SLC15A3: variants seen among roughly 807,000 people sequenced by gnomAD.
SLC15A3 encodes solute carrier family 15 member 3.
In SLC15A3, 39 loss-of-function variants were observed where a neutral mutation model predicts 49.2. The ratio of observed to expected loss-of-function variants is 0.79; its 90% CI spans 0.61 to 1.04. The LOEUF (loss-of-function observed/expected upper bound fraction) is 1.04. SLC15A3 is among the 50% of genes least tolerant of loss of function. SLC15A3 has a pLI of 0.00. For missense variants in SLC15A3, 758 were observed against 794.8 expected (o/e 0.95, Z 0.56); for synonymous variants, 339 against 367.0 (o/e 0.92, Z 0.87).
chr11:60,951,441 G>C lies in SLC15A3; in HGVS notation c.111C>G (p.Ala37=). 1.4e-6 allele frequency: 2 copies of C among 1,446,316 alleles called. No homozygotes were observed. The highest frequency in any genetic ancestry group is 9.1e-7 in the Non-Finnish European group (1 of 1,096,064). 89.6% of individuals were successfully genotyped at this position (1,446,316 alleles called of 1,614,324 possible). ...PRRWRRAAGA[A]VLLVEMLERA... Reference sequence around the variant, plus strand: ...GCTCCAGCATCTCCACCAGCAGCACGGCCGCGCCCGCCGCCCGCCGCCACC... The same window carrying C: ...GCTCCAGCATCTCCACCAGCAGCACCGCCGCGCCCGCCGCCCGCCGCCACC... Residue 37 remains alanine (A), a synonymous_variant, in exon 1 of 8, where the codon GCC becomes GCG. Coordinates refer to ENST00000227880, the MANE Select transcript of SLC15A3 (RefSeq NM_016582.3).
rs1189303155 is a variant in SLC15A3, at chr11:60,951,629, G to C, written c.-78C>G. 25 of 910,738 alleles carry C rather than the reference G, an allele frequency of 2.7e-5. No individual in the cohort carries two copies. The highest frequency in any genetic ancestry group is 3.0e-5 in the Non-Finnish European group (24 of 798,766). The allele number at this position is 910,738 out of a possible 1,614,324, so 56.4% of individuals were successfully genotyped here. The stretch of plus-strand genomic sequence containing the variant: ...CTCAGAGCCCTGCACTCCTGCCCCC[G>C]GGCCTCGGCCCTCTCCCCCACCCAA... On this transcript the variant is annotated 5_prime_UTR_variant, in exon 1 of 8. Transcript: ENST00000227880.
At chr11:60,946,386 G>T in intron 2 of SLC15A3, 146 bp downstream of exon 2, 1 of 904,886 alleles carries the variant, frequency 1.1e-6, no homozygotes, top group Non-Finnish European at 1.6e-6. Context: ...ACAGCGGGCA[G>T]CTCTGGCCCA....
Position 60,950,999 on chromosome 11 carries a change from C to A in SLC15A3, c.553G>T (p.Asp185Tyr). The change falls in exon 1 of 8, where the codon GAC (aspartate) becomes TAC (tyrosine). Residue 185 changes from aspartate to tyrosine, a missense_variant. By Grantham distance (160) the Asp-to-Tyr change is radical. Transcript: ENST00000227880. ...GCAGGCCTCCTGCCACTCACCTGGT[C>A]GGCACCGAAGGAGGTGAGGTTGCTC... is the stretch of plus-strand genomic sequence containing the variant. ...VRSNLTSFGA[D>Y]QVMDLGRDAT... 2 of 1,474,012 alleles carry A rather than the reference C, an allele frequency of 1.4e-6. No homozygotes were observed. The highest frequency in any genetic ancestry group is 2.6e-5 in the South Asian group (2 of 75,612). The allele number at this position is 1,474,012 out of a possible 1,614,324, so 91.3% of individuals were successfully genotyped here. A position where few individuals can be genotyped will look rare whatever the true frequency, so the allele number is the denominator to read the frequency against.
At position 60,937,119 on chromosome 11, in the gene SLC15A3, AC is replaced by A. The variant is rs1856626555; in HGVS notation, c.*99del. 1 of 1,498,870 alleles carries A rather than the reference AC, an allele frequency of 6.7e-7. No homozygotes were observed. The highest frequency in any genetic ancestry group is 8.9e-7 in the Non-Finnish European group (1 of 1,119,800). 92.8% of individuals were successfully genotyped at this position (1,498,870 alleles called of 1,614,324 possible). A position where few individuals can be genotyped will look rare whatever the true frequency, so the allele number is the denominator to read the frequency against. On this transcript the variant is annotated 3_prime_UTR_variant, in exon 8 of 8. Transcript: ENST00000227880. The stretch of plus-strand genomic sequence containing the variant: ...GGGCTCATGCCCCTTATTTATGGGA[AC>A]CATTTCATTCTAACAGAATAAACCG...
chr11:60,939,546 A>C lies in SLC15A3; in HGVS notation c.1369T>G (p.Ser457Ala). 1 of 1,614,170 alleles carries C rather than the reference A, an allele frequency of 6.2e-7. No homozygotes were observed. The highest frequency in any genetic ancestry group is 8.5e-7 in the Non-Finnish European group (1 of 1,180,004). ...GEVLYNAAPL[S>A]IWWQIPQYLL... ...TACTGAGGGATCTGCCACCAGATGG[A>C]CAGTGGTGCCGCGTTGTACAGGACC... Residue 457 changes from serine to alanine, a missense_variant, in exon 6 of 8, where the codon TCC (serine) becomes GCC (alanine). Ser to Ala is a moderately conservative substitution (Grantham distance 99). Transcript: ENST00000227880.
intron 7 of SLC15A3, 116 bp from the exon 8 acceptor site, chr11:60,937,489 A>G (rs774870629): frequency 1.1e-4 from 151 of 1,341,208 alleles, no homozygotes; most frequent in Admixed American, 1.6e-4. Flanking sequence ...CAGTGGTGGG[A>G]TCTGAAGACA....
At position 60,942,017 on chromosome 11, in the gene SLC15A3, A is replaced by G; in HGVS notation, c.1107+18T>C. On this transcript the variant is annotated intron_variant, in intron 4 of 7. Transcript: ENST00000227880. ...TACCTGGCTGAACTGGGTGCCGAAC[A>G]CATGCTTTATCTCTCACCGTGTAGC... The G allele has an allele frequency of 6.2e-7, 1 of 1,610,634 alleles. No individual in the cohort carries two copies. The highest frequency in any genetic ancestry group is 2.2e-5 in the East Asian group (1 of 44,860).
At chr11:60,941,044 C>T (rs1287274097) in intron 5 of SLC15A3, 78 bp downstream of exon 5, 1 of 1,494,072 alleles carries the variant, frequency 6.7e-7, no homozygotes, top group Non-Finnish European at 9.0e-7. Flanking sequence ...CAGGCTACCA[C>T]TTCAGCATCA....
rs142952480 is a variant in SLC15A3, at chr11:60,946,790, C to T, written c.590G>A (p.Arg197His). The change falls in exon 2 of 8, where the codon CGC (arginine) becomes CAC (histidine). Residue 197 changes from arginine (R) to histidine (H), a missense_variant. Transcript: ENST00000227880. ...GCTCCAGTAAAACCAGTTGAAGAAG[C>T]GGCGGGTGGCGTCGCGGCCGAGATC... ...VMDLGRDATR[R>H]FFNWFYWSIN... 6.7e-5 allele frequency: 108 copies of T among 1,612,782 alleles called. No homozygotes were observed. The African/African-American group carries it at 1.2e-3, about 19-fold the overall frequency.
chr11:60,942,337 C>G, intron 3 of SLC15A3, 192 bp from the exon 4 acceptor site: 1 of 561,608 alleles, frequency 1.8e-6, no homozygotes, highest in South Asian at 2.0e-5. Context: ...TTCCTGTGCT[C>G]TGCTCTCAGG....
At chr11:60,941,904 G>T (rs1202142277) in intron 4 of SLC15A3, 131 bp downstream of exon 4, 1 of 855,442 alleles carries the variant, frequency 1.2e-6, no homozygotes, top group Non-Finnish European at 1.9e-6. Flanking sequence ...CCCTCCAGGT[G>T]CTTTTCCTGT....
At position 60,946,838 on chromosome 11, in the gene SLC15A3, G is replaced by C; in HGVS notation, c.559-17C>G. Reference sequence around the variant, plus strand: ...ATCCATCACCTGCCATTCAGGAAGGGGTGACAGTGAGGGCCAAAGGGGTCC... The same window carrying C: ...ATCCATCACCTGCCATTCAGGAAGGCGTGACAGTGAGGGCCAAAGGGGTCC... On this transcript the variant is annotated splice_polypyrimidine_tract_variant and intron_variant, in intron 1 of 7. Transcript: ENST00000227880. 1 of 1,599,992 alleles carries C rather than the reference G, an allele frequency of 6.3e-7. No individual in the cohort carries two copies. The highest frequency in any genetic ancestry group is 8.5e-7 in the Non-Finnish European group (1 of 1,175,196).
rs569092410 is a variant in SLC15A3, at chr11:60,942,159, CAG to C, written c.997-16_997-15del. The C allele has an allele frequency of 2.0e-3, 3,191 of 1,611,192 alleles. 8 individuals carry two copies. The highest frequency in any genetic ancestry group is 3.5e-3 in the Middle Eastern group (21 of 6,058). On this transcript the variant is annotated splice_polypyrimidine_tract_variant and intron_variant, in intron 3 of 7. Coordinates refer to ENST00000227880, the MANE Select transcript of SLC15A3 (RefSeq NM_016582.3). Reference sequence around the variant, plus strand: ...GGTGGACTGCATCTGCCAAGAGAGACAGGGGTGAGGCTGGAACAGAAACGGCC... The same window carrying C: ...GGTGGACTGCATCTGCCAAGAGAGACGGGTGAGGCTGGAACAGAAACGGCC...
intron 1 of SLC15A3, among the ~76,000 whole-genome samples, chr11:60,947,073 A>G (rs1024179404): frequency 1.3e-5 from 2 of 152,176 alleles, no homozygotes; most frequent in African/African-American, 4.8e-5. Flanking sequence ...CATGACACAC[A>G]CTGCTTTTTT....
intron 3 of SLC15A3, chr11:60,942,938 TCACACACACACACACA>T (rs10536589): frequency 0.3 from 44,146 of 146,628 alleles, 7,187 homozygotes; most frequent in Middle Eastern, 0.42. Context: ...CACCCTCCTA[TCACACACACACACACA>T]CACACACACA....
intron 6 of SLC15A3, 176 bp from the exon 7 acceptor site, chr11:60,938,201 C>T: frequency 1.4e-6 from 1 of 730,820 alleles, no homozygotes; most frequent in Non-Finnish European, 2.2e-6. Context: ...GCCTTCCCCT[C>T]TGCCCTGCTC....
intron 2 of SLC15A3, 47 bp downstream of exon 2, chr11:60,946,485 C>T (rs367714829): frequency 1.1e-5 from 16 of 1,514,740 alleles, no homozygotes; most frequent in African/African-American, 5.6e-5. Flanking sequence ...AGCGATCCAG[C>T]GCTTCTCCAG....
In SLC15A3 at chr11:60,941,233, G is replaced by T; in HGVS notation, c.1165C>A (p.Leu389Met). The change falls in exon 5 of 8, where the codon CTG becomes ATG. Residue 389 changes from leucine (L) to methionine (M), a missense_variant. Leu to Met is a conservative substitution (Grantham distance 15). Around this residue, in one of 3 missense-constraint regions of SLC15A3, gnomAD observed 699 missense variants for 706.7 expected, o/e 0.99. Transcript: ENST00000227880. ...AAAGGGTCGATCAAGCGGTCCTTCA[G>T]AGGGACCAGAATCAGCACCACCACA... ...NVVVVLILVPLKDRLIDPLLL... is the reference protein window; with the variant it reads ...NVVVVLILVPMKDRLIDPLLL... 1 of 1,614,190 alleles carries T rather than the reference G, an allele frequency of 6.2e-7. No individual in the cohort carries two copies. Among genetic ancestry groups the T allele is most frequent in the East Asian group, 2.2e-5 (1 of 44,882 alleles).
At chr11:60,949,804 G>A (rs1417631038) in intron 1 of SLC15A3, among the ~76,000 whole-genome samples, 1 of 152,258 alleles carries the variant, frequency 6.6e-6, no homozygotes, top group Admixed American at 6.5e-5. Context: ...CCAGTGGCCT[G>A]ATCATACCAC....
Sources: gnomAD v4.1 joint callset for allele counts (sites outside exome capture counted in the v4.1 genomes callset) on GRCh38, gnomAD v4.1.1 for gene constraint, gnomAD v4.1.1 regional missense constraint, MANE v1.5 for transcripts, NCBI Gene and HGNC (gene_info 2026-07-23, HGNC 2026-07-21) for gene names.